ARHGAP31: variants seen among roughly 807,000 people sequenced by gnomAD.
ARHGAP31 encodes rho GTPase-activating protein 31.
Under a neutral mutation model 113.9 loss-of-function variants are expected in ARHGAP31, and 34 were observed. The observed-to-expected ratio is 0.30, with a 90% CI of 0.23 to 0.40. The LOEUF (loss-of-function observed/expected upper bound fraction) is 0.40, where lower values mean the gene tolerates loss of function less well. ARHGAP31 is among the 10% of genes least tolerant of loss of function. The pLI is 1.00. For synonymous variants in ARHGAP31, 650 were observed against 684.8 expected (o/e 0.95, Z 0.79); for missense variants, 1,548 against 1,767.1 (o/e 0.88, Z 2.22).
At chr3:119,407,749 C>A (rs116054815) in intron 10 of ARHGAP31, among the ~76,000 whole-genome samples, 3,151 of 152,242 alleles carry the variant, frequency 0.021, 103 homozygotes, top group African/African-American at 0.071. Context: ...CAACCAACCA[C>A]AGGGAGGACC....
At chr3:119,354,678 ATTT>A (rs762067141) in intron 1 of ARHGAP31, among the ~76,000 whole-genome samples, 2,224 of 127,192 alleles carry the variant, frequency 0.017, 36 homozygotes, top group East Asian at 0.063. Context: ...TGCCGGGCTA[ATTT>A]TTTTTTTTTT....
chr3:119,379,822 A>G (rs1024015632), intron 3 of ARHGAP31, among the ~76,000 whole-genome samples: 2 of 152,202 alleles, frequency 1.3e-5, no homozygotes, highest in African/African-American at 2.4e-5. Context: ...TGTAAATTAT[A>G]TCTCAGTGAA....
In ARHGAP31 at chr3:119,420,563, TG is replaced by T. The variant is rs772676806; in HGVS notation, c.*4300del. ...ATTAATAATGCAGAGATTACTTTTC[TG>T]TGAGGGTAAGGGGGACGTAGCTAAA... On this transcript the variant is annotated 3_prime_UTR_variant, in exon 12 of 12. Transcript: ENST00000264245. 6.6e-6 allele frequency: 1 copy of T among 152,182 alleles called. No individual in the cohort carries two copies. Among genetic ancestry groups the T allele is most frequent in the Non-Finnish European group, 1.5e-5 (1 of 68,020 alleles). The allele number at this position is 152,182 out of a possible 1,614,324, so 9.4% of individuals were successfully genotyped here. A position where few individuals can be genotyped will look rare whatever the true frequency, so the allele number is the denominator to read the frequency against.
intron 1 of ARHGAP31, among the ~76,000 whole-genome samples, chr3:119,323,927 C>A (rs2079817658): frequency 6.6e-6 from 1 of 152,210 alleles, no homozygotes. Flanking sequence ...TCCCCCTTCC[C>A]CTTTCCTGCT....
chr3:119,323,217 G>T (rs2079808959), intron 1 of ARHGAP31, among the ~76,000 whole-genome samples: 1 of 152,168 alleles, frequency 6.6e-6, no homozygotes, highest in African/African-American at 2.4e-5. Context: ...CCTCGGGGAC[G>T]GCTGAGTCAC....
chr3:119,295,097 AGT>A, intron 1 of ARHGAP31, 93 bp downstream of exon 1: 1 of 1,190,880 alleles, frequency 8.4e-7, no homozygotes, highest in South Asian at 1.2e-5. Context: ...TCGGTTCACA[AGT>A]TAATGTATTC....
chr3:119,387,031 G>A (rs1054157401), intron 6 of ARHGAP31, among the ~76,000 whole-genome samples: 26 of 152,270 alleles, frequency 1.7e-4, no homozygotes, highest in African/African-American at 5.5e-4. Flanking sequence ...AGATAACTGC[G>A]GGCGAGCCTG....
At chr3:119,403,777 G>C (rs1401327527) in intron 10 of ARHGAP31, among the ~76,000 whole-genome samples, 1 of 152,192 alleles carries the variant, frequency 6.6e-6, no homozygotes, top group African/African-American at 2.4e-5. Context: ...ATTCTGAGCA[G>C]CTACATGTTG....
At chr3:119,310,300 C>T (rs2079668110) in intron 1 of ARHGAP31, among the ~76,000 whole-genome samples, 1 of 152,354 alleles carries the variant, frequency 6.6e-6, no homozygotes, top group East Asian at 1.9e-4. Flanking sequence ...GATGACACAA[C>T]AACATTCTGT....
intron 2 of ARHGAP31, among the ~76,000 whole-genome samples, chr3:119,365,764 C>T (rs1370192821): frequency 6.6e-6 from 1 of 152,184 alleles, no homozygotes; most frequent in Non-Finnish European, 1.5e-5. Flanking sequence ...CTGCCCAAAG[C>T]TCAGTTAGAC....
chr3:119,330,574 AAC>A (rs1483691800), intron 1 of ARHGAP31, among the ~76,000 whole-genome samples: 1 of 152,150 alleles, frequency 6.6e-6, no homozygotes, highest in Non-Finnish European at 1.5e-5. Context: ...TGGAACCATA[AAC>A]CTGGATTTAT....
At chr3:119,409,419 A>G (rs1263163323) in intron 10 of ARHGAP31, 77 bp from the exon 11 acceptor site, 8 of 1,553,370 alleles carry the variant, frequency 5.2e-6, no homozygotes, top group Non-Finnish European at 7.1e-6. Flanking sequence ...GCCAGGAGAC[A>G]GGACAGTGAC....
At chr3:119,359,331 G>A (rs1284934337) in intron 1 of ARHGAP31, among the ~76,000 whole-genome samples, 3 of 151,670 alleles carry the variant, frequency 2.0e-5, no homozygotes, top group Admixed American at 6.6e-5. Context: ...TATATCTCAG[G>A]TTTAAAAAGA....
chr3:119,380,599 C>A (rs2080388395), intron 3 of ARHGAP31, among the ~76,000 whole-genome samples: 2 of 119,188 alleles, frequency 1.7e-5, no homozygotes, highest in South Asian at 5.6e-4. Context: ...TATCTCTCTA[C>A]CCCCGAGACA....
At position 119,294,868 on chromosome 3, in the gene ARHGAP31, G is replaced by A; in HGVS notation, c.-37G>A. On this transcript the variant is annotated 5_prime_UTR_variant, in exon 1 of 12. Transcript: ENST00000264245. ...TTACAGCGGTGCCAAGCAGAGGGGC[G>A]GCAGAGACGGAGGGGCAGCCTCTTT... 1 of 1,591,636 alleles carries A rather than the reference G, an allele frequency of 6.3e-7. No individual in the cohort carries two copies. Among genetic ancestry groups the A allele is most frequent in the Non-Finnish European group, 8.6e-7 (1 of 1,160,062 alleles).
chr3:119,367,162 A>G (rs748559263), intron 2 of ARHGAP31, among the ~76,000 whole-genome samples: 2 of 152,050 alleles, frequency 1.3e-5, no homozygotes, highest in Non-Finnish European at 2.9e-5. Context: ...AGGTTCTGAA[A>G]GTATCAGGGA....
At chr3:119,375,678 A>T (rs1242817596) in intron 3 of ARHGAP31, among the ~76,000 whole-genome samples, 1 of 152,226 alleles carries the variant, frequency 6.6e-6, no homozygotes, top group Admixed American at 6.5e-5. Context: ...AGATCGGTCC[A>T]GCTAAAACTA....
At chr3:119,374,823 A>G (rs2080333627) in intron 3 of ARHGAP31, among the ~76,000 whole-genome samples, 1 of 152,204 alleles carries the variant, frequency 6.6e-6, no homozygotes. Context: ...GAAATTGCCC[A>G]GTCTCAGGTA....
rs1449558919 is a variant in ARHGAP31, at chr3:119,420,223, A to G, written c.*3959A>G. On this transcript the variant is annotated 3_prime_UTR_variant, in exon 12 of 12. Coordinates refer to ENST00000264245, the MANE Select transcript of ARHGAP31 (RefSeq NM_020754.4). Reference sequence around the variant, plus strand: ...TCCCACCAGGATTTATTTGGGCCACATTCTACCACGGCCAGTCCAATCTGA... The same window carrying G: ...TCCCACCAGGATTTATTTGGGCCACGTTCTACCACGGCCAGTCCAATCTGA... The G allele has an allele frequency of 6.6e-6, 1 of 152,246 alleles. No individual in the cohort carries two copies. The highest frequency in any genetic ancestry group is 1.5e-5 in the Non-Finnish European group (1 of 68,054). The allele number at this position is 152,246 out of a possible 1,614,324, so 9.4% of individuals were successfully genotyped here. A position where few individuals can be genotyped will look rare whatever the true frequency, so the allele number is the denominator to read the frequency against.
Sources: gnomAD v4.1 joint callset for allele counts (sites outside exome capture counted in the v4.1 genomes callset) on GRCh38, gnomAD v4.1.1 for gene constraint, MANE v1.5 for transcripts, NCBI Gene and HGNC (gene_info 2026-07-23, HGNC 2026-07-21) for gene names.